The following SEC61A2 variants were observed in gnomAD, a reference collection of about 807,000 sequenced individuals.
SEC61A2 encodes SEC61 translocon subunit alpha 2, also known as protein transport protein Sec61 subunit alpha isoform 2.
A neutral mutation model predicts 59.9 loss-of-function variants in SEC61A2; 28 were observed. That is an observed-to-expected ratio of 0.47 (90% CI 0.35 to 0.64). The LOEUF (loss-of-function observed/expected upper bound fraction) is 0.64, where lower values mean the gene tolerates loss of function less well. SEC61A2 is among the 30% of genes least tolerant of loss of function. SEC61A2 has a pLI of 0.01. For missense variants in SEC61A2, 340 were observed against 585.9 expected (o/e 0.58, Z 4.33); for synonymous variants, 202 against 214.4 (o/e 0.94, Z 0.50).
chr10:12,159,224 G>A (rs564656811), intron 9 of SEC61A2, among the ~76,000 whole-genome samples: 121 of 152,026 alleles, frequency 8.0e-4, no homozygotes, highest in African/African-American at 2.7e-3. Flanking sequence ...TGATCTGCCC[G>A]ACTCAGCCTC....
At position 12,158,367 on chromosome 10, in the gene SEC61A2, G is replaced by A; in HGVS notation, c.975+262G>A. 2.5e-6 allele frequency: 1 copy of A among 407,808 alleles called. No individual in the cohort carries two copies. Among genetic ancestry groups the A allele is most frequent in the Admixed American group, 4.2e-5 (1 of 23,786 alleles). 25.3% of individuals were successfully genotyped at this position (407,808 alleles called of 1,614,324 possible). A position where few individuals can be genotyped will look rare whatever the true frequency, so the allele number is the denominator to read the frequency against. On this transcript the variant is annotated intron_variant, in intron 9 of 11. Coordinates refer to ENST00000298428, the MANE Select transcript of SEC61A2 (RefSeq NM_018144.4). This position sits in a 1 kb window ranked among gnomAD's most constrained non-coding sequence, Gnocchi z 5.7. ...GACCTTTTAAGCTAAAATTGTGGTT[G>A]ATTTCATAAAAGTAATTTCCTATTT... is the stretch of plus-strand genomic sequence containing the variant.
chr10:12,163,796 A>G (rs993662741), intron 11 of SEC61A2, among the ~76,000 whole-genome samples: 24 of 152,084 alleles, frequency 1.6e-4, no homozygotes, highest in African/African-American at 5.8e-4. Flanking sequence ...TTCACCTATC[A>G]CTGCCTCTAA....
downstream of SEC61A2, chr10:12,167,647 A>G: frequency 6.6e-7 from 1 of 1,512,008 alleles, no homozygotes; most frequent in East Asian, 2.3e-5. Flanking sequence ...ACAAAGTCTT[A>G]GTGAAGAAGG....
At chr10:12,159,719 T>A (rs149371654) in intron 9 of SEC61A2, among the ~76,000 whole-genome samples, 205 of 152,268 alleles carry the variant, frequency 1.3e-3, no homozygotes, top group African/African-American at 4.6e-3. Context: ...AAGACTAATG[T>A]CCTTTATTCT....
chr10:12,169,335 C>G (rs1388315089), downstream of SEC61A2: 3 of 1,543,150 alleles, frequency 1.9e-6, no homozygotes, highest in Middle Eastern at 1.7e-4. The surrounding 1 kb of genome is among the most constrained non-coding windows in gnomAD (Gnocchi z 4.8). Flanking sequence ...TAAAAGATAA[C>G]CCCGCACGGC....
chr10:12,155,662 A>G lies in SEC61A2; in HGVS notation c.463-116A>G. ...CAGTTGGTCATCACAGTGAGATTGC[A>G]ACGATCAGGCCTTAATATTCAAAAC... On this transcript the variant is annotated intron_variant, in intron 6 of 11. Transcript: ENST00000298428. The surrounding 1 kb of genome is among the most constrained non-coding windows in gnomAD (Gnocchi z 4.3). 8.3e-7 allele frequency: 1 copy of G among 1,200,304 alleles called. No homozygotes were observed. Among genetic ancestry groups the G allele is most frequent in the South Asian group, 1.4e-5 (1 of 72,014 alleles). The allele number at this position is 1,200,304 out of a possible 1,614,324, so 74.4% of individuals were successfully genotyped here. A position where few individuals can be genotyped will look rare whatever the true frequency, so the allele number is the denominator to read the frequency against.
In SEC61A2 at chr10:12,154,173, TC is replaced by T. The variant is rs1834344913; in HGVS notation, c.463-1603del. On this transcript the variant is annotated intron_variant, in intron 6 of 11. Coordinates refer to ENST00000298428, the MANE Select transcript of SEC61A2 (RefSeq NM_018144.4). This position sits in a 1 kb window ranked among gnomAD's most constrained non-coding sequence, Gnocchi z 5.2. ...CATCACTGTAGACGCTGCTGTCACTTCCTGGGTTCTCATCCCTTTTCACAGG... is the reference window on the plus strand; with the variant it reads ...CATCACTGTAGACGCTGCTGTCACTTCTGGGTTCTCATCCCTTTTCACAGG... 6.6e-6 allele frequency among the ~76,000 whole-genome samples: 1 copy of T among 152,220 alleles called. No homozygotes were observed. Among genetic ancestry groups the T allele is most frequent in the Non-Finnish European group, 1.5e-5 (1 of 68,044 alleles).
chr10:12,161,011 G>A lies in SEC61A2; in HGVS notation c.1057G>A (p.Ala353Thr). Reference protein sequence around the residue: ...YYLSPPESMGAIFEDPVHVVV... With the variant: ...YYLSPPESMGTIFEDPVHVVV... ...TCTTTCTCCTCCTGAGTCCATGGGC[G>A]CCATCTTTGAGGATCCTGTCCATGT... The change falls in exon 10 of 12, where the codon GCC becomes ACC. Residue 353 changes from alanine (A) to threonine (T), a missense_variant. Ala to Thr is a moderately conservative substitution (Grantham distance 58). Around this residue, in one of 3 missense-constraint regions of SEC61A2, gnomAD observed 283 missense variants for 483.2 expected, o/e 0.59. Coordinates refer to ENST00000298428, the MANE Select transcript of SEC61A2 (RefSeq NM_018144.4). This position sits in a 1 kb window ranked among gnomAD's most constrained non-coding sequence, Gnocchi z 5.4. 2.5e-6 allele frequency: 4 copies of A among 1,614,046 alleles called. No homozygotes were observed. Among genetic ancestry groups the A allele is most frequent in the Non-Finnish European group, 3.4e-6 (4 of 1,179,932 alleles).
chr10:12,151,233 GA>G (rs1424642025), intron 6 of SEC61A2, among the ~76,000 whole-genome samples: 1 of 151,070 alleles, frequency 6.6e-6, no homozygotes, highest in Admixed American at 6.6e-5. Flanking sequence ...TGGGTATCTG[GA>G]GTCCTGATTT....
At position 12,152,712 on chromosome 10, in the gene SEC61A2, G is replaced by C. The variant is rs1465340835; in HGVS notation, c.462+2751G>C. Among the ~76,000 whole-genome samples the C allele has an allele frequency of 6.6e-6, 1 of 152,028 alleles. No homozygotes were observed. Among genetic ancestry groups the C allele is most frequent in the Non-Finnish European group, 1.5e-5 (1 of 67,994 alleles). On this transcript the variant is annotated intron_variant, in intron 6 of 11. Coordinates refer to ENST00000298428, the MANE Select transcript of SEC61A2 (RefSeq NM_018144.4). This position sits in a 1 kb window ranked among gnomAD's most constrained non-coding sequence, Gnocchi z 5.5. Reference sequence around the variant, plus strand: ...GATCGAGACCATCCTGGCCAACATGGTGAAACGCTGTCTCTACCAAAAATA... The same window carrying C: ...GATCGAGACCATCCTGGCCAACATGCTGAAACGCTGTCTCTACCAAAAATA...
chr10:12,148,065 C>T (rs573655567), intron 4 of SEC61A2, among the ~76,000 whole-genome samples: 5 of 151,766 alleles, frequency 3.3e-5, no homozygotes, highest in South Asian at 2.1e-4. Flanking sequence ...CTCAGCTTCC[C>T]GAGTAGCTGG....
Position 12,142,432 on chromosome 10 carries a change from G to A in SEC61A2, c.142-685G>A. ...TAAGTACTTCTTCCATGTTATTACAGATTGAGTAAGCATAATTTTTAGTGG... is the reference window on the plus strand; with the variant it reads ...TAAGTACTTCTTCCATGTTATTACAAATTGAGTAAGCATAATTTTTAGTGG... On this transcript the variant is annotated intron_variant, in intron 3 of 11. Transcript: ENST00000298428. This position sits in a 1 kb window ranked among gnomAD's most constrained non-coding sequence, Gnocchi z 5.4. The A allele has an allele frequency of 1.8e-6, 1 of 556,202 alleles. No individual in the cohort carries two copies. Among genetic ancestry groups the A allele is most frequent in the Non-Finnish European group, 2.3e-6 (1 of 437,826 alleles). The allele number at this position is 556,202 out of a possible 1,614,324, so 34.5% of individuals were successfully genotyped here. A position where few individuals can be genotyped will look rare whatever the true frequency, so the allele number is the denominator to read the frequency against.
At chr10:12,168,028 T>A (rs979410667), downstream of SEC61A2, 7 of 253,878 alleles carry the variant, frequency 2.8e-5, no homozygotes, top group Non-Finnish European at 3.5e-5. The surrounding 1 kb of genome is among the most constrained non-coding windows in gnomAD (Gnocchi z 4.8). Flanking sequence ...GGGATAATGA[T>A]TTTTTTTTTT....
chr10:12,152,919 C>T lies in SEC61A2; in HGVS notation c.463-2859C>T, dbSNP rs189701337. ...AATAAAACGACAAAAATTAGCCAGG[C>T]GTGGCGGTGTGTGCCTGTAATCCCA... On this transcript the variant is annotated intron_variant, in intron 6 of 11. Coordinates refer to ENST00000298428, the MANE Select transcript of SEC61A2 (RefSeq NM_018144.4). This position sits in a 1 kb window ranked among gnomAD's most constrained non-coding sequence, Gnocchi z 5.5. Among the ~76,000 whole-genome samples the T allele has an allele frequency of 3.3e-5, 5 of 151,420 alleles. No individual in the cohort carries two copies. Among genetic ancestry groups the T allele is most frequent in the African/African-American group, 9.7e-5 (4 of 41,226 alleles).
rs1564418204 is a variant in SEC61A2 at position 12,164,269 on chromosome 10, T to G, written c.1246T>G (p.Tyr416Asp). 1 of 1,612,770 alleles carries G rather than the reference T, an allele frequency of 6.2e-7. No homozygotes were observed. Among genetic ancestry groups the G allele is most frequent in the Non-Finnish European group, 8.5e-7 (1 of 1,180,010 alleles). Reference sequence around the variant, plus strand: ...CTAACTTGGGGTTCTGTCTCCTAGGTACATCCCCACCGCAGCTGCGTTTGG... The same window carrying G: ...CTAACTTGGGGTTCTGTCTCCTAGGGACATCCCCACCGCAGCTGCGTTTGG... ...DTSMVHELNR[Y>D]IPTAAAFGGL... The change falls in exon 12 of 12, where the codon TAC becomes GAC. Residue 416 changes from tyrosine to aspartate, a missense_variant and splice_region_variant. Transcript: ENST00000298428. This position sits in a 1 kb window ranked among gnomAD's most constrained non-coding sequence, Gnocchi z 7.3.
intron 4 of SEC61A2, among the ~76,000 whole-genome samples, chr10:12,144,432 A>C (rs1478424342): frequency 6.6e-6 from 1 of 152,224 alleles, no homozygotes; most frequent in African/African-American, 2.4e-5. Context: ...ATTAATGGCC[A>C]TGTTATTATT....
rs548720125 is a variant in SEC61A2, at chr10:12,134,847, T to C, written c.76-1258T>C. On this transcript the variant is annotated intron_variant, in intron 2 of 11. Transcript: ENST00000298428. ...GCAGGAGAATCGCTTGAACCTGGGG[T>C]GGTAGAGGTTGCAGTGAGCCGAGAC... Among the ~76,000 whole-genome samples the C allele has an allele frequency of 1.1e-3, 167 of 148,246 alleles. 1 individual carries two copies. The highest frequency in any genetic ancestry group is 4.0e-3 in the African/African-American group (161 of 40,014).
rs199974118 is a variant in SEC61A2, at chr10:12,136,119, G to C, written c.90G>C (p.Glu30Asp). The change falls in exon 3 of 12, where the codon GAG becomes GAC. Residue 30 changes from glutamate (E) to aspartate (D), a missense_variant. By Grantham distance (45) the Glu-to-Asp change is conservative. This residue lies in a region of SEC61A2 where 41 missense variants were observed against 47.6 expected (regional missense o/e 0.86). Transcript: ENST00000298428. ...TTGTTGTACAGATCCAGTTTAGAGA[G>C]AAGGTTCTGTGGACTGCTATAACGC... ...QKPERKIQFREKVLWTAITLF... is the reference protein window; with the variant it reads ...QKPERKIQFRDKVLWTAITLF... 1 of 1,606,946 alleles carries C rather than the reference G, an allele frequency of 6.2e-7. No individual in the cohort carries two copies. The highest frequency in any genetic ancestry group is 8.5e-7 in the Non-Finnish European group (1 of 1,173,760).
downstream of SEC61A2, chr10:12,169,138 C>G (rs912931058): frequency 5.0e-6 from 3 of 596,070 alleles, no homozygotes; most frequent in Non-Finnish European, 6.0e-6. The surrounding 1 kb of genome is among the most constrained non-coding windows in gnomAD (Gnocchi z 4.8). Flanking sequence ...GGTTTGATTA[C>G]TGTATTTTGA....
Sources: allele counts gnomAD v4.1 joint callset (sites outside exome capture counted in the v4.1 genomes callset), GRCh38; gene constraint gnomAD v4.1.1; regional missense constraint gnomAD v4.1.1; non-coding constraint Gnocchi (gnomAD v3.1); transcripts MANE v1.5; gene names NCBI Gene and HGNC (gene_info 2026-07-23, HGNC 2026-07-21).